Variants in AGPAT4 observed in about 807,000 individuals in gnomAD.
The protein encoded by AGPAT4 is 1-acylglycerol-3-phosphate O-acyltransferase 4, also known as 1-acyl-sn-glycerol-3-phosphate acyltransferase delta.
A neutral mutation model predicts 48.0 loss-of-function variants in AGPAT4; 15 were observed. That is an observed-to-expected ratio of 0.31 (90% CI 0.21 to 0.48). AGPAT4 has a LOEUF of 0.48. Ranked by LOEUF, AGPAT4 falls within the 20% of genes least tolerant of loss-of-function variation. AGPAT4 has a pLI of 0.99. For synonymous variants in AGPAT4, 178 were observed against 198.7 expected (o/e 0.90, Z 0.88); for missense variants, 314 against 482.5 (o/e 0.65, Z 3.27).
At chr6:161,237,535 G>A (rs9458163) in intron 1 of AGPAT4, among the ~76,000 whole-genome samples, 31,185 of 152,044 alleles carry the variant, frequency 0.21, 3,427 homozygotes, top group Non-Finnish European at 0.24. Flanking sequence ...GTACCAAAGG[G>A]GTTAAGTCAG....
rs762456797 is a variant in AGPAT4 at position 161,138,702 on chromosome 6, G to A, written c.1042+720C>T. On this transcript the variant is annotated intron_variant, in intron 8 of 8. Transcript: ENST00000320285. This position sits in a 1 kb window ranked among gnomAD's most constrained non-coding sequence, Gnocchi z 4.8. ...TCTCTGTGTGCTTGGACAATGTGCC[G>A]TCTCTCCCGGGCTCTCCAAAGCCTC... Among the ~76,000 whole-genome samples, 11 of 152,104 alleles carry A rather than the reference G, an allele frequency of 7.2e-5. No individual in the cohort carries two copies. Among genetic ancestry groups the A allele is most frequent in the South Asian group, 2.1e-4 (1 of 4,814 alleles).
chr6:161,226,840 G>A lies in AGPAT4; in HGVS notation c.178+5196C>T, dbSNP rs1427449411. On this transcript the variant is annotated intron_variant, in intron 2 of 8. Coordinates refer to ENST00000320285, the MANE Select transcript of AGPAT4 (RefSeq NM_020133.3). This position sits in a 1 kb window ranked among gnomAD's most constrained non-coding sequence, Gnocchi z 6.3. ...GAGTTTCCCCAGCCCAGCAATGACA[G>A]CAAAATGAAAGTGCTGGCCCAGCAC... 6.6e-6 allele frequency among the ~76,000 whole-genome samples: 1 copy of A among 152,118 alleles called. No homozygotes were observed. The highest frequency in any genetic ancestry group is 1.5e-5 in the Non-Finnish European group (1 of 68,032).
In AGPAT4 at chr6:161,136,216, G is replaced by T. The variant is rs11555164; in HGVS notation, c.*324C>A. ...GATGAAAGGGGAACTTGTCCCCTTC[G>T]GTCCCCAGCCCTGCCCTCCCCTGCA... On this transcript the variant is annotated 3_prime_UTR_variant, in exon 9 of 9. Coordinates refer to ENST00000320285, the MANE Select transcript of AGPAT4 (RefSeq NM_020133.3). The T allele has an allele frequency of 1.8e-5, 5 of 280,662 alleles. No homozygotes were observed. In the South Asian group the frequency reaches 3.0e-4, roughly 17 times the overall value. The allele number at this position is 280,662 out of a possible 1,614,324, so 17.4% of individuals were successfully genotyped here. A position where few individuals can be genotyped will look rare whatever the true frequency, so the allele number is the denominator to read the frequency against.
intron 2 of AGPAT4, among the ~76,000 whole-genome samples, chr6:161,224,755 T>G (rs1270696395): frequency 6.6e-6 from 1 of 151,818 alleles, no homozygotes; most frequent in Non-Finnish European, 1.5e-5. Flanking sequence ...GCCTGACACA[T>G]ATTAGGTGCT....
rs938197817 is a variant in AGPAT4 at position 161,240,749 on chromosome 6, C to G, written c.-89-8447G>C. 5.9e-5 allele frequency among the ~76,000 whole-genome samples: 9 copies of G among 152,096 alleles called. No homozygotes were observed. The highest frequency in any genetic ancestry group is 1.9e-4 in the African/African-American group (8 of 41,398). On this transcript the variant is annotated intron_variant, in intron 1 of 8. Coordinates refer to ENST00000320285, the MANE Select transcript of AGPAT4 (RefSeq NM_020133.3). The surrounding 1 kb of genome is among the most constrained non-coding windows in gnomAD (Gnocchi z 5.5). ...TCAGATTGCCAGCACTCCTTCAGGT[C>G]GGATGAATGTGGCCAAAGTCTCCAC...
At position 161,132,963 on chromosome 6, in the gene AGPAT4, C is replaced by T. The variant is rs1167057715; in HGVS notation, c.*3577G>A. 6.6e-6 allele frequency: 1 copy of T among 152,232 alleles called. No individual in the cohort carries two copies. The highest frequency in any genetic ancestry group is 1.9e-4 in the East Asian group (1 of 5,196). The allele number at this position is 152,232 out of a possible 1,614,324, so 9.4% of individuals were successfully genotyped here. On this transcript the variant is annotated 3_prime_UTR_variant, in exon 9 of 9. Transcript: ENST00000320285. ...TCCTCTAAATATTCCTCCATACAGC[C>T]TAGGGCCCCTCAAGAGACGTGCAAA...
rs1007436868 is a variant in AGPAT4 at position 161,271,994 on chromosome 6, A to C, written c.-90+1944T>G. ...CTCTGTGTACTAACATGTGCTTTTC[A>C]AAATGAGTGTCATATTCTTTTTAGT... On this transcript the variant is annotated intron_variant, in intron 1 of 8. Transcript: ENST00000320285. 2.6e-5 allele frequency among the ~76,000 whole-genome samples: 4 copies of C among 152,248 alleles called. No homozygotes were observed. In the East Asian group the frequency reaches 7.7e-4, roughly 29 times the overall value.
chr6:161,235,225 A>T lies in AGPAT4; in HGVS notation c.-89-2923T>A, dbSNP rs1025065123. Among the ~76,000 whole-genome samples the T allele has an allele frequency of 2.0e-5, 3 of 152,168 alleles. No homozygotes were observed. The highest frequency in any genetic ancestry group is 2.9e-5 in the Non-Finnish European group (2 of 68,032). On this transcript the variant is annotated intron_variant, in intron 1 of 8. Coordinates refer to ENST00000320285, the MANE Select transcript of AGPAT4 (RefSeq NM_020133.3). The surrounding 1 kb of genome is among the most constrained non-coding windows in gnomAD (Gnocchi z 6.2). Reference sequence around the variant, plus strand: ...TCTGCACCTCAGTTTTTCTATCAGTAAAAAGGGACAACAGATTCTAATCAA... The same window carrying T: ...TCTGCACCTCAGTTTTTCTATCAGTTAAAAGGGACAACAGATTCTAATCAA...
In AGPAT4 at chr6:161,155,033, A is replaced by G. The variant is rs1344527505; in HGVS notation, c.349-723T>C. Among the ~76,000 whole-genome samples the G allele has an allele frequency of 6.6e-6, 1 of 152,218 alleles. No homozygotes were observed. Among genetic ancestry groups the G allele is most frequent in the Non-Finnish European group, 1.5e-5 (1 of 68,028 alleles). On this transcript the variant is annotated intron_variant, in intron 3 of 8. Transcript: ENST00000320285. The surrounding 1 kb of genome is among the most constrained non-coding windows in gnomAD (Gnocchi z 5.8). Reference sequence around the variant, plus strand: ...CTCGGTGCCCTCCACACCCGCTGCCAGCATGTCCTTGAGGCTGAGACGGGG... The same window carrying G: ...CTCGGTGCCCTCCACACCCGCTGCCGGCATGTCCTTGAGGCTGAGACGGGG...
rs1782386606 is a variant in AGPAT4, at chr6:161,238,697, A to G, written c.-89-6395T>C. Among the ~76,000 whole-genome samples, 1 of 152,200 alleles carries G rather than the reference A, an allele frequency of 6.6e-6. No individual in the cohort carries two copies. The highest frequency in any genetic ancestry group is 1.5e-5 in the Non-Finnish European group (1 of 68,042). ...CCACCCAAATCTTACCTTGAATTGT[A>G]GTTCCCATAATCTCCACATGTCGTG... On this transcript the variant is annotated intron_variant, in intron 1 of 8. Coordinates refer to ENST00000320285, the MANE Select transcript of AGPAT4 (RefSeq NM_020133.3). The surrounding 1 kb of genome is among the most constrained non-coding windows in gnomAD (Gnocchi z 5.2).
chr6:161,237,065 C>T (rs942885396), intron 1 of AGPAT4, among the ~76,000 whole-genome samples: 6 of 152,200 alleles, frequency 3.9e-5, no homozygotes, highest in South Asian at 2.1e-4. Flanking sequence ...AAACCATATC[C>T]GGATACATTA....
rs1163349548 is a variant in AGPAT4, at chr6:161,266,260, A to C, written c.-90+7678T>G. 6.6e-6 allele frequency among the ~76,000 whole-genome samples: 1 copy of C among 152,172 alleles called. No homozygotes were observed. Among genetic ancestry groups the C allele is most frequent in the Non-Finnish European group, 1.5e-5 (1 of 68,028 alleles). ...CGAGATTGAGAAACACCTCGCCCTCAAGGAATGTCACCCTTGAGGCCCTGG... is the reference window on the plus strand; with the variant it reads ...CGAGATTGAGAAACACCTCGCCCTCCAGGAATGTCACCCTTGAGGCCCTGG... On this transcript the variant is annotated intron_variant, in intron 1 of 8. Coordinates refer to ENST00000320285, the MANE Select transcript of AGPAT4 (RefSeq NM_020133.3). The surrounding 1 kb of genome is among the most constrained non-coding windows in gnomAD (Gnocchi z 6.2).
rs1484631147 is a variant in AGPAT4 at position 161,225,530 on chromosome 6, C to T, written c.178+6506G>A. 6.6e-6 allele frequency among the ~76,000 whole-genome samples: 1 copy of T among 152,190 alleles called. No individual in the cohort carries two copies. Among genetic ancestry groups the T allele is most frequent in the East Asian group, 1.9e-4 (1 of 5,196 alleles). Reference sequence around the variant, plus strand: ...TATTTATAACAATTCCCTGTCACTTCCTGAGGTCTCCCAGGAGATACACCC... The same window carrying T: ...TATTTATAACAATTCCCTGTCACTTTCTGAGGTCTCCCAGGAGATACACCC... On this transcript the variant is annotated intron_variant, in intron 2 of 8. Coordinates refer to ENST00000320285, the MANE Select transcript of AGPAT4 (RefSeq NM_020133.3). The surrounding 1 kb of genome is among the most constrained non-coding windows in gnomAD (Gnocchi z 5.0).
intron 2 of AGPAT4, among the ~76,000 whole-genome samples, chr6:161,224,205 G>T (rs7742853): frequency 6.6e-6 from 1 of 152,162 alleles, no homozygotes; most frequent in East Asian, 1.9e-4. Flanking sequence ...TATACATAAA[G>T]CTTTACTAAG....
At chr6:161,191,582 C>A (rs1197677588) in intron 2 of AGPAT4, among the ~76,000 whole-genome samples, 1 of 152,166 alleles carries the variant, frequency 6.6e-6, no homozygotes, top group Non-Finnish European at 1.5e-5. Flanking sequence ...TAGAGCCAGA[C>A]AGGACTAAAG....
chr6:161,241,321 C>A (rs1261029917), intron 1 of AGPAT4, among the ~76,000 whole-genome samples: 1 of 146,990 alleles, frequency 6.8e-6, no homozygotes, highest in African/African-American at 2.5e-5. Context: ...GAAGCCTATA[C>A]AAAATTCATG....
chr6:161,234,416 C>A lies in AGPAT4; in HGVS notation c.-89-2114G>T, dbSNP rs776094399. Reference sequence around the variant, plus strand: ...AATCCAGGCCCTGCAGGGTCTGAATCATCACATCTCTGGCCTTTCGCAGAC... The same window carrying A: ...AATCCAGGCCCTGCAGGGTCTGAATAATCACATCTCTGGCCTTTCGCAGAC... On this transcript the variant is annotated intron_variant, in intron 1 of 8. Coordinates refer to ENST00000320285, the MANE Select transcript of AGPAT4 (RefSeq NM_020133.3). The surrounding 1 kb of genome is among the most constrained non-coding windows in gnomAD (Gnocchi z 4.4). Among the ~76,000 whole-genome samples the A allele has an allele frequency of 6.6e-6, 1 of 152,094 alleles. No individual in the cohort carries two copies. The highest frequency in any genetic ancestry group is 1.5e-5 in the Non-Finnish European group (1 of 68,028).
intron 2 of AGPAT4, among the ~76,000 whole-genome samples, chr6:161,227,678 C>A (rs905442868): frequency 3.3e-5 from 5 of 152,224 alleles, no homozygotes; most frequent in Non-Finnish European, 5.9e-5. Context: ...TGCCAAATCC[C>A]TTCTCGAGTA....
intron 1 of AGPAT4, among the ~76,000 whole-genome samples, chr6:161,256,675 T>G (rs939818339): frequency 1.3e-5 from 2 of 152,230 alleles, no homozygotes; most frequent in East Asian, 3.9e-4. Context: ...CCCCGGTCCC[T>G]GCAGCCTGTA....
Sources: allele counts gnomAD v4.1 joint callset (sites outside exome capture counted in the v4.1 genomes callset), GRCh38; gene constraint gnomAD v4.1.1; non-coding constraint Gnocchi (gnomAD v3.1); transcripts MANE v1.5; gene names NCBI Gene and HGNC (gene_info 2026-07-23, HGNC 2026-07-21).